The following PHACTR1 variants were observed in gnomAD, a reference collection of about 807,000 sequenced individuals.
PHACTR1 encodes phosphatase and actin regulator 1, also known as RPEL repeat containing 1.
PHACTR1 carries 16 observed loss-of-function variants against 69.2 expected under a neutral mutation model. The ratio of observed to expected loss-of-function variants is 0.23; its 90% CI spans 0.16 to 0.35. The LOEUF (loss-of-function observed/expected upper bound fraction) is 0.35. Ranked by LOEUF, PHACTR1 falls within the 10% of genes least tolerant of loss-of-function variation. The probability of loss-of-function intolerance (pLI) is 1.00; values close to 1 mark genes in which losing one functional copy is unlikely to be tolerated. For missense variants in PHACTR1, 510 were observed against 734.7 expected (o/e 0.69, Z 3.54); for synonymous variants, 312 against 284.5 (o/e 1.10, Z -0.97).
rs1444346066 is a variant in PHACTR1 at position 13,092,301 on chromosome 6, C to T, written c.415+38772C>T. 2.6e-5 allele frequency among the ~76,000 whole-genome samples: 4 copies of T among 152,118 alleles called. No individual in the cohort carries two copies. The East Asian group carries it at 7.7e-4, about 29-fold the overall frequency. Reference sequence around the variant, plus strand: ...TTGGGGACCCCTGGCTTAGGGCCTCCCAATTTTCATTCTTTTGTATACAAT... The same window carrying T: ...TTGGGGACCCCTGGCTTAGGGCCTCTCAATTTTCATTCTTTTGTATACAAT... On this transcript the variant is annotated intron_variant, in intron 5 of 14. Coordinates refer to ENST00000332995, the MANE Select transcript of PHACTR1 (RefSeq NM_030948.6).
At chr6:12,804,875 A>T (rs1223174992) in intron 4 of PHACTR1, among the ~76,000 whole-genome samples, 1 of 152,238 alleles carries the variant, frequency 6.6e-6, no homozygotes, top group African/African-American at 2.4e-5. Flanking sequence ...TAACTTACGT[A>T]TGTGAAAATA....
chr6:12,785,289 A>G (rs1771400878), intron 4 of PHACTR1, among the ~76,000 whole-genome samples: 1 of 152,218 alleles, frequency 6.6e-6, no homozygotes, highest in South Asian at 2.1e-4. Context: ...ATTGTCATAG[A>G]AAAGGTGGCT....
chr6:12,878,148 A>G (rs1305691813), intron 4 of PHACTR1, among the ~76,000 whole-genome samples: 1 of 152,224 alleles, frequency 6.6e-6, no homozygotes, highest in Non-Finnish European at 1.5e-5. Context: ...TTCGGTGAAT[A>G]TGTATTAAAC....
intron 4 of PHACTR1, among the ~76,000 whole-genome samples, chr6:12,958,630 G>A (rs1363529162): frequency 6.6e-6 from 1 of 152,124 alleles, no homozygotes; most frequent in East Asian, 1.9e-4. Context: ...TTTTAACACT[G>A]ACTTCTAAAG....
At chr6:12,743,752 C>G (rs1003340565) in intron 3 of PHACTR1, among the ~76,000 whole-genome samples, 248 of 152,142 alleles carry the variant, frequency 1.6e-3, no homozygotes, top group Non-Finnish European at 3.0e-3. Flanking sequence ...ATCAACGAGA[C>G]AGAAAGTTAA....
At chr6:13,196,422 T>TTTTTTTTTGTTTTTTTTTTG (rs764296575) in intron 7 of PHACTR1, 6 of 154,812 alleles carry the variant, frequency 3.9e-5, no homozygotes, top group African/African-American at 1.5e-4. Flanking sequence ...TTTTCTTTCT[T>TTTTTTTTTGTTTTTTTTTTG]TTTTTTTTTG....
intron 4 of PHACTR1, among the ~76,000 whole-genome samples, chr6:12,805,052 C>T (rs1774148247): frequency 6.6e-6 from 1 of 152,048 alleles, no homozygotes; most frequent in Admixed American, 6.6e-5. Context: ...AGGAATTTGC[C>T]TTTTGGGTTA....
chr6:12,923,766 G>A lies in PHACTR1; in HGVS notation c.251-129599G>A, dbSNP rs116070415. 6.2e-4 allele frequency among the ~76,000 whole-genome samples: 94 copies of A among 152,258 alleles called. 1 individual carries two copies. The highest frequency in any genetic ancestry group is 1.5e-3 in the African/African-American group (64 of 41,546). The stretch of plus-strand genomic sequence containing the variant: ...TTTCCCTTTGCAATTGATTTTAATT[G>A]TGTTGTCAGGTAACATTAGACACGA... On this transcript the variant is annotated intron_variant, in intron 4 of 14. Coordinates refer to ENST00000332995, the MANE Select transcript of PHACTR1 (RefSeq NM_030948.6).
chr6:12,790,549 G>GTT (rs1388389026), intron 4 of PHACTR1, among the ~76,000 whole-genome samples: 6 of 152,168 alleles, frequency 3.9e-5, no homozygotes, highest in African/African-American at 1.4e-4. Context: ...CTAATAAAAT[G>GTT]TAAGCTCCTT....
At chr6:13,008,652 A>C (rs928925417) in intron 4 of PHACTR1, among the ~76,000 whole-genome samples, 1 of 151,768 alleles carries the variant, frequency 6.6e-6, no homozygotes, top group African/African-American at 2.4e-5. Flanking sequence ...AACAACAACA[A>C]CACACACACA....
intron 5 of PHACTR1, among the ~76,000 whole-genome samples, chr6:13,129,260 AG>A (rs1425707121): frequency 6.6e-6 from 1 of 152,188 alleles, no homozygotes; most frequent in African/African-American, 2.4e-5. Context: ...AAAAAACACG[AG>A]GTATTAAGGC....
At chr6:13,272,958 GC>G in intron 11 of PHACTR1, 43 bp downstream of exon 11, 1 of 1,609,164 alleles carries the variant, frequency 6.2e-7, no homozygotes, top group South Asian at 1.1e-5. Flanking sequence ...TTTTGTGGCG[GC>G]TTTTGTTATT....
intron 5 of PHACTR1, among the ~76,000 whole-genome samples, chr6:13,108,278 C>T (rs897795960): frequency 1.5e-4 from 23 of 151,830 alleles, no homozygotes; most frequent in African/African-American, 4.4e-4. Context: ...TTTAATGAGA[C>T]TTTTTTATGG....
intron 4 of PHACTR1, among the ~76,000 whole-genome samples, chr6:12,984,765 C>A (rs530885636): frequency 1.5e-5 from 2 of 130,560 alleles, no homozygotes; most frequent in African/African-American, 3.4e-5. Flanking sequence ...CTCCCCCAAC[C>A]GAGCAGTTTG....
chr6:12,741,777 A>AT (rs1207006166), intron 3 of PHACTR1, among the ~76,000 whole-genome samples: 2 of 151,904 alleles, frequency 1.3e-5, no homozygotes, highest in Non-Finnish European at 2.9e-5. Context: ...CCAAAAAAAA[A>AT]AAAAAATCAC....
At chr6:13,280,863 G>T in intron 12 of PHACTR1, 2 of 913,036 alleles carry the variant, frequency 2.2e-6, no homozygotes, top group Non-Finnish European at 3.1e-6. Context: ...TGCCCCGAAG[G>T]CTACAGCCAG....
intron 5 of PHACTR1, among the ~76,000 whole-genome samples, chr6:13,104,454 A>G (rs1290581701): frequency 6.6e-6 from 1 of 152,212 alleles, no homozygotes; most frequent in East Asian, 1.9e-4. Context: ...GGACCTTGCC[A>G]ATATGTTAAT....
In PHACTR1 at chr6:12,809,829, A is replaced by G. The variant is rs201601455; in HGVS notation, c.250+60039A>G. ...AAAACAATAAAAAATAAATTGTATC[A>G]AAAATTATCTTTTTTGGACAGCAAA... On this transcript the variant is annotated intron_variant, in intron 4 of 14. Transcript: ENST00000332995. Among the ~76,000 whole-genome samples, 16 of 152,364 alleles carry G rather than the reference A, an allele frequency of 1.1e-4. No individual in the cohort carries two copies. The South Asian group carries it at 2.1e-3, about 20-fold the overall frequency.
At chr6:13,271,930 C>A (rs1584351649) in intron 10 of PHACTR1, among the ~76,000 whole-genome samples, 1 of 152,174 alleles carries the variant, frequency 6.6e-6, no homozygotes, top group African/African-American at 2.4e-5. Flanking sequence ...CATTTCTACC[C>A]CTTAGATCCC....
Sources: allele counts gnomAD v4.1 joint callset (sites outside exome capture counted in the v4.1 genomes callset), GRCh38; gene constraint gnomAD v4.1.1; transcripts MANE v1.5; gene names NCBI Gene and HGNC (gene_info 2026-07-23, HGNC 2026-07-21).